ZC3H18: variants seen among roughly 807,000 people sequenced by gnomAD.
The protein encoded by ZC3H18 is zinc finger CCCH-type containing 18, also known as zinc finger CCCH domain-containing protein 18.
ZC3H18 carries 8 observed loss-of-function variants against 106.1 expected under a neutral mutation model. The observed-to-expected ratio is 0.08, with a 90% confidence interval of 0.04 to 0.14. The LOEUF is 0.14. Among genes scored for constraint, ZC3H18 ranks in the 10% least tolerant of loss-of-function variants. ZC3H18 has a pLI of 1.00. For missense variants in ZC3H18, 1,318 were observed against 1,278.4 expected, an observed-to-expected ratio of 1.03 and a Z score of -0.47; for synonymous variants, 635 against 522.1, an observed-to-expected ratio of 1.22 and a Z score of -2.95.
At chr16:88,593,446 G>A (rs1904307159) in intron 3 of ZC3H18, among the ~76,000 whole-genome samples, 1 of 152,248 alleles carries the variant, frequency 6.6e-6, no homozygotes, top group Admixed American at 6.5e-5. Flanking sequence ...GCTCAGCACA[G>A]AACATCATTT....
At chr16:88,585,944 G>A (rs1275294737) in intron 2 of ZC3H18, among the ~76,000 whole-genome samples, 2 of 152,110 alleles carry the variant, frequency 1.3e-5, no homozygotes, top group Non-Finnish European at 2.9e-5. Flanking sequence ...GGGCTGGGGT[G>A]GTGTAAGGAG....
At chr16:88,581,609 G>T (rs983493719) in intron 2 of ZC3H18, among the ~76,000 whole-genome samples, 39 of 152,182 alleles carry the variant, frequency 2.6e-4, no homozygotes, top group African/African-American at 8.7e-4. Context: ...TGTGGTGTGG[G>T]TGAGGGCGTC....
chr16:88,604,787 A>T (rs548493625), intron 6 of ZC3H18, among the ~76,000 whole-genome samples: 24 of 152,242 alleles, frequency 1.6e-4, no homozygotes, highest in Non-Finnish European at 2.8e-4. Context: ...AAAAGACACA[A>T]GGGCCTCTAG....
At position 88,631,147 on chromosome 16, in the gene ZC3H18, A is replaced by T; in HGVS notation, c.2710A>T (p.Ser904Cys). The T allele has an allele frequency of 1.2e-6, 2 of 1,613,324 alleles. No homozygotes were observed. Among genetic ancestry groups the T allele is most frequent in the Non-Finnish European group, 1.7e-6 (2 of 1,180,022 alleles). Reference sequence around the variant, plus strand: ...GTCCAAGAGCTCCAGCAAGGTCACGAGCGTGCCCGGCAAAGCCTCGGATCC... The same window carrying T: ...GTCCAAGAGCTCCAGCAAGGTCACGTGCGTGCCCGGCAAAGCCTCGGATCC... ...PQSKSSSKVT[S>C]VPGKASDPGA... Residue 904 changes from serine to cysteine, a missense_variant, in exon 18 of 18, where the codon AGC becomes TGC. Coordinates refer to ENST00000301011, the MANE Select transcript of ZC3H18 (RefSeq NM_144604.4).
rs751559366 is a variant in ZC3H18, at chr16:88,618,876, G to A, written c.1476-3321G>A. On this transcript the variant is annotated intron_variant, in intron 8 of 17. Transcript: ENST00000301011. Reference sequence around the variant, plus strand: ...CCTTCCTGACTGGGCCATCCCTTGCGAGCGTTCTCAGCCCACACTGGCTCC... The same window carrying A: ...CCTTCCTGACTGGGCCATCCCTTGCAAGCGTTCTCAGCCCACACTGGCTCC... 3.9e-5 allele frequency among the ~76,000 whole-genome samples: 6 copies of A among 152,100 alleles called. No homozygotes were observed. In the East Asian group the frequency reaches 7.7e-4, roughly 20 times the overall value.
rs1904644803 is a variant in ZC3H18 at position 88,599,706 on chromosome 16, C to T, written c.931-85C>T. 7 of 1,482,232 alleles carry T rather than the reference C, an allele frequency of 4.7e-6. 1 individual carries two copies. Among genetic ancestry groups the T allele is most frequent in the South Asian group, 1.3e-5 (1 of 75,170 alleles). The allele number at this position is 1,482,232 out of a possible 1,614,324, so 91.8% of individuals were successfully genotyped here. A position where few individuals can be genotyped will look rare whatever the true frequency, so the allele number is the denominator to read the frequency against. On this transcript the variant is annotated intron_variant, in intron 5 of 17. Coordinates refer to ENST00000301011, the MANE Select transcript of ZC3H18 (RefSeq NM_144604.4). ...CCTGCTCCTGCAGGGCTGCTGCGGT[C>T]GGGTGGGACGGCTCCCTTTGTGTTT...
chr16:88,619,225 G>C (rs949160424), intron 8 of ZC3H18, among the ~76,000 whole-genome samples: 2 of 152,082 alleles, frequency 1.3e-5, no homozygotes, highest in Non-Finnish European at 2.9e-5. Flanking sequence ...AGTGAGCCAA[G>C]ATCGCACCAC....
chr16:88,574,263 G>C lies in ZC3H18; in HGVS notation c.-14-2847G>C, dbSNP rs146283902. Among the ~76,000 whole-genome samples the C allele has an allele frequency of 4.6e-5, 7 of 152,152 alleles. No individual in the cohort carries two copies. The East Asian group carries it at 1.2e-3, about 25-fold the overall frequency. On this transcript the variant is annotated intron_variant, in intron 1 of 17. Coordinates refer to ENST00000301011, the MANE Select transcript of ZC3H18 (RefSeq NM_144604.4). Reference sequence around the variant, plus strand: ...GCTTAGCCACCACCTAGGCTGGAGTGCAGTGGTGTGATCTCGGCTCACTGC... The same window carrying C: ...GCTTAGCCACCACCTAGGCTGGAGTCCAGTGGTGTGATCTCGGCTCACTGC...
intron 6 of ZC3H18, among the ~76,000 whole-genome samples, chr16:88,607,081 C>T (rs902580898): frequency 2.0e-5 from 3 of 152,182 alleles, no homozygotes; most frequent in Admixed American, 2.0e-4. Flanking sequence ...CAGGCCCCCC[C>T]CAACCCTGTG....
intron 6 of ZC3H18, among the ~76,000 whole-genome samples, chr16:88,601,595 A>G (rs1904753136): frequency 6.6e-6 from 1 of 152,094 alleles, no homozygotes; most frequent in South Asian, 2.1e-4. Context: ...ACCAGGTGAC[A>G]GAAGCTGGCT....
intron 8 of ZC3H18, among the ~76,000 whole-genome samples, chr16:88,612,264 A>G (rs1369855913): frequency 6.6e-6 from 1 of 152,180 alleles, no homozygotes; most frequent in Non-Finnish European, 1.5e-5. Context: ...TTATTGAAAT[A>G]TAATTAATGG....
Position 88,628,821 on chromosome 16 carries a change from C to G in ZC3H18, c.2533C>G (p.Pro845Ala). 1 of 1,614,124 alleles carries G rather than the reference C, an allele frequency of 6.2e-7. No individual in the cohort carries two copies. The highest frequency in any genetic ancestry group is 1.7e-5 in the Admixed American group (1 of 60,022). ...AGACAAGGACAGGCAGAGCCCTCCT[C>G]CAGCCAAGCGGCCCAACACATCCCC... ...PSDKDRQSPP[P>A]AKRPNTSPDR... Residue 845 changes from proline (P) to alanine (A), a missense_variant, in exon 16 of 18, where the codon CCA becomes GCA. Transcript: ENST00000301011.
At position 88,622,539 on chromosome 16, in the gene ZC3H18, C is replaced by T. The variant is rs771202615; in HGVS notation, c.1667+151C>T. ...AGACCAGTCAGTGGGACTAACCCGG[C>T]GTTTATACCTTCAGCAAAGAGCATC... On this transcript the variant is annotated intron_variant, in intron 9 of 17. Coordinates refer to ENST00000301011, the MANE Select transcript of ZC3H18 (RefSeq NM_144604.4). 139 of 817,580 alleles carry T rather than the reference C, an allele frequency of 1.7e-4. 3 individuals carry two copies. Among genetic ancestry groups the T allele is most frequent in the South Asian group, 1.4e-3 (71 of 51,204 alleles). The allele number at this position is 817,580 out of a possible 1,614,324, so 50.6% of individuals were successfully genotyped here.
intron 6 of ZC3H18, among the ~76,000 whole-genome samples, chr16:88,607,134 T>G (rs1905049550): frequency 6.6e-6 from 1 of 152,080 alleles, no homozygotes; most frequent in South Asian, 2.1e-4. Context: ...AGCTGGACAG[T>G]CGTCCCCTCC....
At chr16:88,625,163 G>T (rs201088876) in intron 12 of ZC3H18, 39 bp from the exon 13 acceptor site, 2 of 1,554,690 alleles carry the variant, frequency 1.3e-6, no homozygotes, top group East Asian at 4.9e-5. Context: ...GGGCTGTGGA[G>T]GCCACGCCCC....
intron 8 of ZC3H18, among the ~76,000 whole-genome samples, chr16:88,613,901 A>G (rs1162598136): frequency 6.6e-6 from 1 of 152,164 alleles, no homozygotes; most frequent in African/African-American, 2.4e-5. Flanking sequence ...TCTTTGATCC[A>G]GGCTGGGTGA....
At chr16:88,616,008 C>T (rs545379095) in intron 8 of ZC3H18, among the ~76,000 whole-genome samples, 1 of 152,208 alleles carries the variant, frequency 6.6e-6, no homozygotes, top group Non-Finnish European at 1.5e-5. Context: ...CTGCTGTGCC[C>T]GTCTCCTGTG....
At chr16:88,616,423 T>C (rs890001853) in intron 8 of ZC3H18, among the ~76,000 whole-genome samples, 3 of 152,248 alleles carry the variant, frequency 2.0e-5, no homozygotes, top group African/African-American at 7.2e-5. Flanking sequence ...GCAGCAGGGC[T>C]GACGTTCTCT....
At chr16:88,625,886 A>G (rs1597360355) in intron 13 of ZC3H18, 2 of 121,324 alleles carry the variant, frequency 1.6e-5, no homozygotes, top group Non-Finnish European at 3.3e-5. Flanking sequence ...CTTGTTGCCC[A>G]GGCTGGAGTG....
Sources: gnomAD v4.1 joint callset for allele counts (sites outside exome capture counted in the v4.1 genomes callset) on GRCh38, gnomAD v4.1.1 for gene constraint, MANE v1.5 for transcripts, NCBI Gene and HGNC (gene_info 2026-07-23, HGNC 2026-07-21) for gene names.